The following SEMA6D variants were observed in gnomAD, a reference collection of about 807,000 sequenced individuals.
SEMA6D encodes the protein semaphorin 6D, also known as semaphorin-6D.
Under a neutral mutation model 106.6 loss-of-function variants are expected in SEMA6D, and 35 were observed. That is an observed-to-expected ratio of 0.33 (90% CI 0.25 to 0.44). The LOEUF is 0.44. SEMA6D is among the 20% of genes least tolerant of loss of function. The probability of loss-of-function intolerance (pLI) is 1.00; values close to 1 mark genes in which losing one functional copy is unlikely to be tolerated. For synonymous variants in SEMA6D, 499 were observed against 487.7 expected (o/e 1.02, Z -0.31); for missense variants, 1,185 against 1,345.9 (o/e 0.88, Z 1.87).
At chr15:47,598,605 G>A (rs1414808059) in intron 3 of SEMA6D, among the ~76,000 whole-genome samples, 1 of 152,038 alleles carries the variant, frequency 6.6e-6, no homozygotes, top group African/African-American at 2.4e-5. Flanking sequence ...CTGCATAAAA[G>A]CGTCTTCACC....
chr15:47,608,100 C>T (rs1314054209), intron 4 of SEMA6D, among the ~76,000 whole-genome samples: 1 of 152,042 alleles, frequency 6.6e-6, no homozygotes, highest in Non-Finnish European at 1.5e-5. Flanking sequence ...TTTTTGCAGT[C>T]AAGATAATAT....
intron 2 of SEMA6D, among the ~76,000 whole-genome samples, chr15:47,417,805 T>C (rs1028156718): frequency 2.6e-5 from 4 of 151,940 alleles, no homozygotes; most frequent in African/African-American, 4.8e-5. Context: ...TTTTTTCTTT[T>C]CCTAATCACT....
At chr15:47,644,755 A>G (rs1359140728) in intron 4 of SEMA6D, among the ~76,000 whole-genome samples, 1 of 152,208 alleles carries the variant, frequency 6.6e-6, no homozygotes, top group East Asian at 1.9e-4. Context: ...CCAGTCTCAG[A>G]TATTCCATTA....
chr15:47,263,825 T>C (rs192735445), intron 1 of SEMA6D, among the ~76,000 whole-genome samples: 1 of 151,396 alleles, frequency 6.6e-6, no homozygotes, highest in Non-Finnish European at 1.5e-5. Flanking sequence ...GGCATTAAGG[T>C]TGATGGGATC....
chr15:47,293,617 G>GTATATT (rs2035681416), intron 1 of SEMA6D, among the ~76,000 whole-genome samples: 1 of 152,152 alleles, frequency 6.6e-6, no homozygotes. Flanking sequence ...AGGGCGATGT[G>GTATATT]TATATTTATA....
intron 3 of SEMA6D, among the ~76,000 whole-genome samples, chr15:47,546,828 C>T (rs919626249): frequency 6.6e-6 from 1 of 152,030 alleles, no homozygotes; most frequent in African/African-American, 2.4e-5. Flanking sequence ...CCAGGGGCAT[C>T]TGTGCCCCTA....
At chr15:47,227,972 A>T (rs190570534) in intron 1 of SEMA6D, among the ~76,000 whole-genome samples, 1 of 141,406 alleles carries the variant, frequency 7.1e-6, no homozygotes, top group Non-Finnish European at 1.5e-5. Flanking sequence ...TCTTATATAT[A>T]TTTTATATAT....
chr15:47,345,072 A>C, intron 1 of SEMA6D, among the ~76,000 whole-genome samples: 1 of 152,218 alleles, frequency 6.6e-6, no homozygotes, highest in East Asian at 1.9e-4. Flanking sequence ...AGGAAATTAA[A>C]GAAGACCTAA....
chr15:47,568,671 C>G (rs1343606064), intron 3 of SEMA6D, among the ~76,000 whole-genome samples: 1 of 151,854 alleles, frequency 6.6e-6, no homozygotes, highest in African/African-American at 2.4e-5. Context: ...ATTATGTGTC[C>G]TCAGTGAGTT....
At chr15:47,544,854 A>G (rs1457068208) in intron 3 of SEMA6D, among the ~76,000 whole-genome samples, 5 of 152,042 alleles carry the variant, frequency 3.3e-5, no homozygotes, top group African/African-American at 4.8e-5. Context: ...TAAAGCAAGT[A>G]TTTTTTAATC....
At chr15:47,756,462 A>G (rs2081746871) in intron 1 of SEMA6D, among the ~76,000 whole-genome samples, 1 of 152,156 alleles carries the variant, frequency 6.6e-6, no homozygotes, top group Admixed American at 6.5e-5. Flanking sequence ...TGATTATCTC[A>G]TTTAATCCTA....
chr15:47,538,867 A>T (rs1378733055), intron 3 of SEMA6D, among the ~76,000 whole-genome samples: 1 of 152,214 alleles, frequency 6.6e-6, no homozygotes, highest in Non-Finnish European at 1.5e-5. Flanking sequence ...GAGGATACAA[A>T]GAACAGACAC....
intron 1 of SEMA6D, among the ~76,000 whole-genome samples, chr15:47,264,933 T>G (rs536914948): frequency 6.6e-6 from 1 of 152,252 alleles, no homozygotes; most frequent in African/African-American, 2.4e-5. Context: ...TTTTGGGAGT[T>G]AACACAGCTT....
At chr15:47,479,279 A>T (rs2043084791) in intron 3 of SEMA6D, among the ~76,000 whole-genome samples, 1 of 152,088 alleles carries the variant, frequency 6.6e-6, no homozygotes, top group Non-Finnish European at 1.5e-5. Flanking sequence ...GCTCGGTTTG[A>T]AGCACAGCAT....
At chr15:47,672,274 A>G (rs7176105) in intron 4 of SEMA6D, among the ~76,000 whole-genome samples, 39 of 152,328 alleles carry the variant, frequency 2.6e-4, no homozygotes, top group African/African-American at 8.9e-4. Context: ...TGACGTTGTC[A>G]TACCACTGCA....
At chr15:47,317,123 T>G (rs990232838) in intron 1 of SEMA6D, among the ~76,000 whole-genome samples, 3 of 152,206 alleles carry the variant, frequency 2.0e-5, no homozygotes, top group African/African-American at 7.2e-5. Context: ...TTTTTTCTTG[T>G]GCAAGTTTTG....
At chr15:47,639,307 C>A (rs1176195491) in intron 4 of SEMA6D, among the ~76,000 whole-genome samples, 3 of 152,078 alleles carry the variant, frequency 2.0e-5, no homozygotes, top group Non-Finnish European at 2.9e-5. Flanking sequence ...CTCAGTGGAC[C>A]AAGCTGGAAC....
intron 2 of SEMA6D, among the ~76,000 whole-genome samples, chr15:47,434,661 A>G (rs910683500): frequency 6.6e-6 from 1 of 152,128 alleles, no homozygotes; most frequent in African/African-American, 2.4e-5. Flanking sequence ...CCAATTTTGT[A>G]TCCTACACAG....
chr15:47,279,841 A>G lies in SEMA6D; in HGVS notation c.-239+95423A>G, dbSNP rs1398990283. Among the ~76,000 whole-genome samples, 10 of 150,118 alleles carry G rather than the reference A, an allele frequency of 6.7e-5. No homozygotes were observed. The South Asian group carries it at 1.3e-3, about 19-fold the overall frequency. ...TGCTGGATTACATTTATTGATTTGC[A>G]TATATTGAACCAGCCTTGCATCCCA... On this transcript the variant is annotated intron_variant, in intron 1 of 19. Transcript: ENST00000558014.
Sources: gnomAD v4.1 joint callset for allele counts (sites outside exome capture counted in the v4.1 genomes callset) on GRCh38, gnomAD v4.1.1 for gene constraint, MANE v1.5 for transcripts, NCBI Gene and HGNC (gene_info 2026-07-23, HGNC 2026-07-21) for gene names.